PPIL2: variants seen among roughly 807,000 people sequenced by gnomAD.
The protein encoded by PPIL2 is RING-type E3 ubiquitin-protein ligase PPIL2.
PPIL2 carries 50 observed loss-of-function variants against 75.2 expected under a neutral mutation model. The ratio of observed to expected loss-of-function variants is 0.66; its 90% CI spans 0.53 to 0.84. PPIL2 has a LOEUF of 0.84. PPIL2 is among the 40% of genes least tolerant of loss of function. PPIL2 has a pLI of 0.00. For synonymous variants in PPIL2, 245 were observed against 258.8 expected (o/e 0.95, Z 0.51); for missense variants, 590 against 685.0 (o/e 0.86, Z 1.55).
At chr22:21,693,666 A>C in intron 15 of PPIL2, 150 bp from the exon 16 acceptor site, 1 of 767,850 alleles carries the variant, frequency 1.3e-6, no homozygotes, top group Non-Finnish European at 2.2e-6. Context: ...CCTGGTGGGC[A>C]GCGCAGGGAA....
chr22:21,677,369 T>C (rs368429035), intron 6 of PPIL2, among the ~76,000 whole-genome samples: 2 of 152,152 alleles, frequency 1.3e-5, no homozygotes, highest in Non-Finnish European at 2.9e-5. Context: ...AGGTTGTAGC[T>C]AGCCGAGATC....
chr22:21,689,300 G>A (rs1428975059), intron 15 of PPIL2, among the ~76,000 whole-genome samples: 1 of 152,236 alleles, frequency 6.6e-6, no homozygotes, highest in Non-Finnish European at 1.5e-5. Context: ...GGCCAGCAGG[G>A]CCATGCACAC....
chr22:21,674,849 C>G (rs1383034350), intron 5 of PPIL2, among the ~76,000 whole-genome samples: 9 of 152,250 alleles, frequency 5.9e-5, no homozygotes, highest in Non-Finnish European at 1.3e-4. Context: ...GACGGCTCTT[C>G]TCAGAGCGTG....
intron 6 of PPIL2, among the ~76,000 whole-genome samples, chr22:21,677,013 G>T (rs1405346692): frequency 6.6e-6 from 1 of 150,864 alleles, no homozygotes; most frequent in Non-Finnish European, 1.5e-5. Context: ...TGGACGGGGC[G>T]GCTGGCCGGG....
intron 11 of PPIL2, 119 bp downstream of exon 11, chr22:21,686,677 C>G (rs2067375969): frequency 8.8e-7 from 1 of 1,135,254 alleles, no homozygotes. Flanking sequence ...ACCTGAGCCC[C>G]TAGTCCTCCC....
At position 21,696,266 on chromosome 22, in the gene PPIL2, G is replaced by A. The variant is rs1000873665; in HGVS notation, c.*776G>A. On this transcript the variant is annotated 3_prime_UTR_variant, in exon 20 of 20. Coordinates refer to ENST00000398831, the MANE Select transcript of PPIL2 (RefSeq NM_014337.4). ...ACCTGCTCTGGCTGTGAACCACCTG[G>A]GCTTCATCTCAAGCCTGCCTGGCGT... 6 of 1,029,190 alleles carry A rather than the reference G, an allele frequency of 5.8e-6. No homozygotes were observed. The highest frequency in any genetic ancestry group is 5.8e-6 in the Non-Finnish European group (5 of 856,098). 63.8% of individuals were successfully genotyped at this position (1,029,190 alleles called of 1,614,324 possible). A position where few individuals can be genotyped will look rare whatever the true frequency, so the allele number is the denominator to read the frequency against.
chr22:21,697,996 A>G (rs2068004440), downstream of PPIL2: 1 of 152,268 alleles, frequency 6.6e-6, no homozygotes, highest in Admixed American at 6.5e-5. Context: ...ACAATGCCAA[A>G]CCACATTCCT....
At chr22:21,672,458 C>T (rs1420875100) in intron 5 of PPIL2, 77 bp downstream of exon 5, 4 of 1,429,700 alleles carry the variant, frequency 2.8e-6, no homozygotes, top group Non-Finnish European at 3.9e-6. Context: ...TGGTGGTTTT[C>T]ATGAACACAG....
At chr22:21,669,793 C>G (rs867852326) in intron 1 of PPIL2, 120 bp from the exon 2 acceptor site, 1 of 1,063,850 alleles carries the variant, frequency 9.4e-7, no homozygotes, top group South Asian at 1.3e-5. Context: ...AGCCACCGTG[C>G]CCGCCCCATA....
Position 21,695,845 on chromosome 22 carries a change from A to C in PPIL2, c.*355A>C. ...CAGATTGTGGTTTCCTCTTTAAGACAGGGTCTTGCTCTGTTGCCCAGGCTC... is the reference window on the plus strand; with the variant it reads ...CAGATTGTGGTTTCCTCTTTAAGACCGGGTCTTGCTCTGTTGCCCAGGCTC... On this transcript the variant is annotated 3_prime_UTR_variant, in exon 20 of 20. Transcript: ENST00000398831. 6 of 1,155,164 alleles carry C rather than the reference A, an allele frequency of 5.2e-6. No individual in the cohort carries two copies. The South Asian group carries it at 1.1e-4, about 22-fold the overall frequency. 71.6% of individuals were successfully genotyped at this position (1,155,164 alleles called of 1,614,324 possible).
chr22:21,691,462 C>T (rs371651564), intron 15 of PPIL2, among the ~76,000 whole-genome samples: 20 of 152,122 alleles, frequency 1.3e-4, no homozygotes, highest in South Asian at 1.0e-3. Context: ...AGGCGGATCA[C>T]GAGGTCAGGA....
intron 15 of PPIL2, 87 bp from the exon 16 acceptor site, chr22:21,693,729 G>A: frequency 1.5e-6 from 2 of 1,328,956 alleles, no homozygotes; most frequent in Non-Finnish European, 2.2e-6. Flanking sequence ...GCTGGCTGTA[G>A]AGGGTGGGCA....
At chr22:21,670,103 A>G (rs953741997) in intron 2 of PPIL2, 141 bp downstream of exon 2, 54 of 976,662 alleles carry the variant, frequency 5.5e-5, no homozygotes, top group Admixed American at 1.2e-4. Flanking sequence ...CAGTTCATGA[A>G]AGAGAAATAT....
At chr22:21,675,389 A>T (rs2066797128) in intron 6 of PPIL2, among the ~76,000 whole-genome samples, 1 of 152,182 alleles carries the variant, frequency 6.6e-6, no homozygotes, top group South Asian at 2.1e-4. Context: ...TACAAAAATT[A>T]GCCGGGCATG....
At chr22:21,698,229 A>G (rs185976908), downstream of PPIL2, 3 of 151,342 alleles carry the variant, frequency 2.0e-5, no homozygotes, top group African/African-American at 7.3e-5. Context: ...CCAACAAAAA[A>G]AAAGTGATAA....
At chr22:21,670,766 CATG>C (rs1357242953) in intron 3 of PPIL2, 155 bp downstream of exon 3, 5 of 943,560 alleles carry the variant, frequency 5.3e-6, no homozygotes, top group Non-Finnish European at 6.7e-6. Flanking sequence ...GAGTCCTCGT[CATG>C]ATGTTAGGAG....
At chr22:21,667,936 C>T (rs559822830) in intron 1 of PPIL2, among the ~76,000 whole-genome samples, 13 of 152,100 alleles carry the variant, frequency 8.5e-5, no homozygotes, top group African/African-American at 2.4e-4. Flanking sequence ...CCACCATGCC[C>T]ATGCTAATTT....
chr22:21,691,555 C>T (rs1451543573), intron 15 of PPIL2, among the ~76,000 whole-genome samples: 1 of 152,066 alleles, frequency 6.6e-6, no homozygotes, highest in Non-Finnish European at 1.5e-5. Flanking sequence ...TGGCAGGCGC[C>T]TGTAGTCCCA....
At chr22:21,670,913 A>G in intron 3 of PPIL2, 84 bp from the exon 4 acceptor site, 1 of 1,322,960 alleles carries the variant, frequency 7.6e-7, no homozygotes, top group South Asian at 1.2e-5. Context: ...ACAGCATTTC[A>G]GGAGGTCACC....
Sources: allele counts gnomAD v4.1 joint callset (sites outside exome capture counted in the v4.1 genomes callset), GRCh38; gene constraint gnomAD v4.1.1; transcripts MANE v1.5; gene names NCBI Gene and HGNC (gene_info 2026-07-23, HGNC 2026-07-21).